Variants in NRXN3 observed in about 807,000 individuals in gnomAD.
The protein encoded by NRXN3 is neurexin 3, also known as neurexin III.
In NRXN3, 32 loss-of-function variants were observed where a neutral mutation model predicts 137.6. The ratio of observed to expected loss-of-function variants is 0.23; its 90% confidence interval spans 0.18 to 0.31. The LOEUF is 0.31. Ranked by LOEUF, NRXN3 falls within the 10% of genes least tolerant of loss-of-function variation. NRXN3 has a pLI of 1.00. For synonymous variants in NRXN3, 798 were observed against 784.5 expected, an observed-to-expected ratio of 1.02 and a Z score of -0.29; for missense variants, 1,574 against 2,062.5, an observed-to-expected ratio of 0.76 and a Z score of 4.59.
chr14:79,263,455 T>A (rs2153412129), intron 15 of NRXN3, among the ~76,000 whole-genome samples: 1 of 152,278 alleles, frequency 6.6e-6, no homozygotes, highest in South Asian at 2.1e-4. Context: ...TGTGTGTGTT[T>A]ATCTCATTCA....
chr14:78,973,580 A>G (rs1278183390), intron 14 of NRXN3, among the ~76,000 whole-genome samples: 5 of 152,172 alleles, frequency 3.3e-5, no homozygotes, highest in African/African-American at 1.2e-4. Flanking sequence ...GAAGAAGATG[A>G]TCTGTCATTT....
intron 14 of NRXN3, among the ~76,000 whole-genome samples, chr14:78,986,329 A>T (rs1567904709): frequency 6.6e-6 from 1 of 152,194 alleles, no homozygotes; most frequent in Non-Finnish European, 1.5e-5. Context: ...TATACTGAAT[A>T]TTAAGATATT....
In NRXN3 at chr14:78,515,377, C is replaced by T. The variant is rs891445388; in HGVS notation, c.758-129743C>T. ...GTGCCAACTATGGTGGGAGTTAAAGCGTTAAGGTTTGGCTTATTTGTTTTG... is the reference window on the plus strand; with the variant it reads ...GTGCCAACTATGGTGGGAGTTAAAGTGTTAAGGTTTGGCTTATTTGTTTTG... On this transcript the variant is annotated intron_variant, in intron 4 of 20. Transcript: ENST00000335750. Among the ~76,000 whole-genome samples the T allele has an allele frequency of 3.3e-5, 5 of 151,936 alleles. No individual in the cohort carries two copies. The East Asian group carries it at 9.7e-4, about 29-fold the overall frequency.
rs148264859 is a variant in NRXN3 at position 78,849,329 on chromosome 14, G to A, written c.2275+38985G>A. On this transcript the variant is annotated intron_variant, in intron 10 of 20. Coordinates refer to ENST00000335750, the MANE Select transcript of NRXN3 (RefSeq NM_001330195.2). Reference sequence around the variant, plus strand: ...GAAGTTGAGTGCAAGGAAAGTCTCAGTTGTCCCCAGGCTGCATATCATTCA... The same window carrying A: ...GAAGTTGAGTGCAAGGAAAGTCTCAATTGTCCCCAGGCTGCATATCATTCA... Among the ~76,000 whole-genome samples, 240 of 152,214 alleles carry A rather than the reference G, an allele frequency of 1.6e-3. 1 individual carries two copies. The highest frequency in any genetic ancestry group is 5.6e-3 in the African/African-American group (232 of 41,532).
chr14:78,232,612 A>G (rs2065592885), intron 1 of NRXN3, among the ~76,000 whole-genome samples: 1 of 152,034 alleles, frequency 6.6e-6, no homozygotes, highest in Non-Finnish European at 1.5e-5. Context: ...CTAAGCACCT[A>G]GTTCATTTTC....
At chr14:78,975,374 T>A (rs2153028135) in intron 14 of NRXN3, among the ~76,000 whole-genome samples, 1 of 152,280 alleles carries the variant, frequency 6.6e-6, no homozygotes, top group African/African-American at 2.4e-5. Flanking sequence ...ATTCGAGAGC[T>A]TGGCTTAATT....
chr14:79,635,743 A>G (rs775136995), intron 16 of NRXN3, among the ~76,000 whole-genome samples: 1 of 152,148 alleles, frequency 6.6e-6, no homozygotes, highest in Non-Finnish European at 1.5e-5. Context: ...TGGAGACTGG[A>G]TAATTCATAA....
intron 20 of NRXN3, among the ~76,000 whole-genome samples, chr14:79,851,264 T>C (rs975655108): frequency 3.9e-5 from 6 of 152,194 alleles, no homozygotes; most frequent in Non-Finnish European, 8.8e-5. Context: ...AGACCGACCA[T>C]ATATGCATTT....
chr14:79,194,998 A>G (rs987237832), intron 15 of NRXN3, among the ~76,000 whole-genome samples: 18 of 151,576 alleles, frequency 1.2e-4, no homozygotes, highest in African/African-American at 4.1e-4. Context: ...TGTTTTCCAC[A>G]TTCCTTGTCA....
At chr14:78,682,956 C>G (rs2098090314) in intron 6 of NRXN3, among the ~76,000 whole-genome samples, 1 of 152,254 alleles carries the variant, frequency 6.6e-6, no homozygotes, top group East Asian at 1.9e-4. Context: ...AGTAATATGT[C>G]AGAATGTCAT....
rs372238813 is a variant in NRXN3 at position 79,571,322 on chromosome 14, C to T, written c.3445-92456C>T. Among the ~76,000 whole-genome samples, 30 of 152,240 alleles carry T rather than the reference C, an allele frequency of 2.0e-4. No homozygotes were observed. The South Asian group carries it at 5.8e-3, about 29-fold the overall frequency. ...GTTTTACTTACTCAAGATAAAAATG[C>T]ATTGATACTGCAAGACATATCCTCA... is the stretch of plus-strand genomic sequence containing the variant. On this transcript the variant is annotated intron_variant, in intron 16 of 20. Coordinates refer to ENST00000335750, the MANE Select transcript of NRXN3 (RefSeq NM_001330195.2).
intron 8 of NRXN3, among the ~76,000 whole-genome samples, chr14:78,746,759 C>T (rs1246202469): frequency 1.3e-5 from 2 of 152,216 alleles, no homozygotes; most frequent in African/African-American, 2.4e-5. Flanking sequence ...TCATTTGGTC[C>T]TCACATCTTC....
At chr14:78,951,990 G>C (rs2099388008) in intron 10 of NRXN3, among the ~76,000 whole-genome samples, 1 of 152,154 alleles carries the variant, frequency 6.6e-6, no homozygotes, top group Non-Finnish European at 1.5e-5. Context: ...ATTTTTAGTA[G>C]GTTTTAACTA....
At chr14:79,510,852 CGAGTAA>C (rs2096925978) in intron 16 of NRXN3, among the ~76,000 whole-genome samples, 1 of 152,076 alleles carries the variant, frequency 6.6e-6, no homozygotes, top group African/African-American at 2.4e-5. Context: ...GTGGAGACTA[CGAGTAA>C]TTAAAAATAA....
chr14:79,027,411 G>A (rs909184244), intron 15 of NRXN3, among the ~76,000 whole-genome samples: 2 of 152,042 alleles, frequency 1.3e-5, no homozygotes, highest in Admixed American at 1.3e-4. Flanking sequence ...ATGAAACAAA[G>A]CAAAATAGAA....
intron 15 of NRXN3, among the ~76,000 whole-genome samples, chr14:79,056,741 T>C (rs1250638839): frequency 2.0e-5 from 3 of 152,042 alleles, no homozygotes; most frequent in African/African-American, 7.2e-5. Flanking sequence ...TCAAAGCAAA[T>C]GTCTCTGAAG....
intron 16 of NRXN3, among the ~76,000 whole-genome samples, chr14:79,612,974 C>A (rs1322372948): frequency 6.6e-6 from 1 of 152,222 alleles, no homozygotes; most frequent in Non-Finnish European, 1.5e-5. Flanking sequence ...TTCTAACAGT[C>A]AAGCTGGTAT....
intron 10 of NRXN3, among the ~76,000 whole-genome samples, chr14:78,928,906 C>G (rs1009228356): frequency 1.3e-5 from 2 of 152,150 alleles, no homozygotes; most frequent in Admixed American, 6.6e-5. Context: ...CTAGTTTACA[C>G]TCCCACCAAC....
At chr14:78,709,192 G>T (rs367743265) in intron 6 of NRXN3, 25 bp from the exon 7 acceptor site, 69 of 1,588,554 alleles carry the variant, frequency 4.3e-5, no homozygotes, top group African/African-American at 3.1e-4. Flanking sequence ...TGATTCACAT[G>T]GCACTTTTGT....
Sources: allele counts gnomAD v4.1 joint callset (sites outside exome capture counted in the v4.1 genomes callset), GRCh38; gene constraint gnomAD v4.1.1; transcripts MANE v1.5; gene names NCBI Gene and HGNC (gene_info 2026-07-23, HGNC 2026-07-21).